The following NFIA variants were observed in gnomAD, a reference collection of about 807,000 sequenced individuals.
NFIA encodes the protein nuclear factor I A.
NFIA carries 8 observed loss-of-function variants against 62.8 expected under a neutral mutation model. That is an observed-to-expected ratio of 0.13 (90% CI 0.07 to 0.23). The LOEUF (loss-of-function observed/expected upper bound fraction) is 0.23, where lower values mean the gene tolerates loss of function less well. NFIA is among the 10% of genes least tolerant of loss of function. The probability of loss-of-function intolerance (pLI) is 1.00; values close to 1 mark genes in which losing one functional copy is unlikely to be tolerated. For synonymous variants in NFIA, 235 were observed against 238.1 expected (o/e 0.99, Z 0.12); for missense variants, 410 against 642.1 (o/e 0.64, Z 3.91).
At position 61,140,220 on chromosome 1, in the gene NFIA, G is replaced by T. The variant is rs188653164; in HGVS notation, c.559+51540G>T. On this transcript the variant is annotated intron_variant, in intron 2 of 10. Coordinates refer to ENST00000403491, the MANE Select transcript of NFIA (RefSeq NM_001134673.4). ...TCCTTTACACTTTTCTGTACCCCTG[G>T]CCTGAAGGCTCTACAGCTTGTTACA... Among the ~76,000 whole-genome samples, 737 of 152,186 alleles carry T rather than the reference G, an allele frequency of 4.8e-3. 7 individuals carry two copies. The highest frequency in any genetic ancestry group is 0.017 in the African/African-American group (689 of 41,498).
At chr1:61,427,050 C>T (rs1291650707) in intron 10 of NFIA, among the ~76,000 whole-genome samples, 1 of 152,044 alleles carries the variant, frequency 6.6e-6, no homozygotes, top group Non-Finnish European at 1.5e-5. Context: ...TGGTGTTGGT[C>T]CAGAAATAAG....
chr1:61,393,922 G>T (rs1298162683), intron 7 of NFIA, among the ~76,000 whole-genome samples: 1 of 152,196 alleles, frequency 6.6e-6, no homozygotes, highest in Non-Finnish European at 1.5e-5. Context: ...CTTGAAAACA[G>T]TTCGGCTCTT....
In NFIA at chr1:61,369,090, G is replaced by A. The variant is rs148593486; in HGVS notation, c.946+9816G>A. On this transcript the variant is annotated intron_variant, in intron 6 of 10. Transcript: ENST00000403491. ...TAGCTGGTGCATCAGCCATTTCATCGTTAAAGGAGCAGCAGTGAATACTGG... is the reference window on the plus strand; with the variant it reads ...TAGCTGGTGCATCAGCCATTTCATCATTAAAGGAGCAGCAGTGAATACTGG... Among the ~76,000 whole-genome samples the A allele has an allele frequency of 7.3e-4, 111 of 152,278 alleles. 1 individual carries two copies. The highest frequency in any genetic ancestry group is 2.3e-3 in the African/African-American group (95 of 41,560).
chr1:61,230,472 A>G lies in NFIA; in HGVS notation c.560-47048A>G, dbSNP rs1033323274. Among the ~76,000 whole-genome samples, 14 of 152,124 alleles carry G rather than the reference A, an allele frequency of 9.2e-5. No individual in the cohort carries two copies. The East Asian group carries it at 2.7e-3, about 29-fold the overall frequency. On this transcript the variant is annotated intron_variant, in intron 2 of 10. Coordinates refer to ENST00000403491, the MANE Select transcript of NFIA (RefSeq NM_001134673.4). ...ATCTAATCATCCACTAAGTTCCCCGAGTCCACCTTTTCATTAGCATGCAAA... is the reference window on the plus strand; with the variant it reads ...ATCTAATCATCCACTAAGTTCCCCGGGTCCACCTTTTCATTAGCATGCAAA...
At chr1:61,436,272 G>C (rs1667322631) in intron 10 of NFIA, among the ~76,000 whole-genome samples, 1 of 152,138 alleles carries the variant, frequency 6.6e-6, no homozygotes, top group African/African-American at 2.4e-5. Flanking sequence ...AAAAGAGCCT[G>C]GTTTTGCAGA....
At chr1:61,146,744 C>T (rs1289562813) in intron 2 of NFIA, among the ~76,000 whole-genome samples, 2 of 152,230 alleles carry the variant, frequency 1.3e-5, no homozygotes, top group African/African-American at 4.8e-5. Context: ...ACATGGTGTG[C>T]TTTCTCCAGA....
chr1:61,337,278 C>T (rs774855054), intron 4 of NFIA, among the ~76,000 whole-genome samples: 5 of 151,826 alleles, frequency 3.3e-5, no homozygotes, highest in Admixed American at 6.6e-5. Flanking sequence ...TGCAATCTTC[C>T]GTGAACTCCC....
chr1:61,256,350 C>T (rs1392140674), intron 2 of NFIA, among the ~76,000 whole-genome samples: 11 of 148,652 alleles, frequency 7.4e-5, no homozygotes, highest in East Asian at 4.0e-4. Flanking sequence ...GCAGGAGAAT[C>T]GCTTGAACCG....
At chr1:61,245,176 A>T (rs1005688095) in intron 2 of NFIA, among the ~76,000 whole-genome samples, 1 of 152,140 alleles carries the variant, frequency 6.6e-6, no homozygotes, top group African/African-American at 2.4e-5. Context: ...TAAAATTTAG[A>T]TGGGTTTTTC....
intron 2 of NFIA, among the ~76,000 whole-genome samples, chr1:61,205,807 C>A (rs965478157): frequency 6.6e-6 from 1 of 151,900 alleles, no homozygotes; most frequent in Non-Finnish European, 1.5e-5. Context: ...TGTTTCAGCA[C>A]TGACACAGGT....
chr1:61,118,529 A>G (rs1646831309), intron 2 of NFIA, among the ~76,000 whole-genome samples: 1 of 152,056 alleles, frequency 6.6e-6, no homozygotes, highest in Admixed American at 6.6e-5. Flanking sequence ...AGATCTCTAA[A>G]GGAAACAGGC....
At position 61,164,981 on chromosome 1, in the gene NFIA, G is replaced by A. The variant is rs922050909; in HGVS notation, c.559+76301G>A. ...CATTTGGGTGGAAAGGAGGAGGGTC[G>A]GAGAGGCAGCCAGTGCTTTATTTTT... On this transcript the variant is annotated intron_variant, in intron 2 of 10. Coordinates refer to ENST00000403491, the MANE Select transcript of NFIA (RefSeq NM_001134673.4). Among the ~76,000 whole-genome samples, 9 of 152,268 alleles carry A rather than the reference G, an allele frequency of 5.9e-5. No homozygotes were observed. In the South Asian group the frequency reaches 1.5e-3, roughly 25 times the overall value.
At chr1:61,078,796 G>A (rs1646062256), upstream of NFIA, among the ~76,000 whole-genome samples, 1 of 152,204 alleles carries the variant, frequency 6.6e-6, no homozygotes, top group African/African-American at 2.4e-5. Context: ...AACAACCCCC[G>A]TGGAGAGTGT....
chr1:61,329,311 G>T (rs1661155603), intron 3 of NFIA, among the ~76,000 whole-genome samples: 1 of 151,642 alleles, frequency 6.6e-6, no homozygotes, highest in African/African-American at 2.4e-5. Flanking sequence ...CTCCCAAAGT[G>T]CTGGGATTAC....
At chr1:61,249,660 C>T (rs1227404958) in intron 2 of NFIA, among the ~76,000 whole-genome samples, 2 of 152,030 alleles carry the variant, frequency 1.3e-5, no homozygotes, top group Admixed American at 6.6e-5. Context: ...CAAAAATTAG[C>T]TGGGCGCGGT....
At chr1:61,247,315 C>G (rs916072008) in intron 2 of NFIA, among the ~76,000 whole-genome samples, 2 of 152,188 alleles carry the variant, frequency 1.3e-5, no homozygotes, top group Admixed American at 6.5e-5. Flanking sequence ...CACAGACTTT[C>G]ATGTTTCATT....
intron 2 of NFIA, among the ~76,000 whole-genome samples, chr1:61,222,272 T>C (rs1009463697): frequency 1.3e-5 from 2 of 152,164 alleles, no homozygotes; most frequent in Admixed American, 6.5e-5. Flanking sequence ...ATATTAAATC[T>C]AAGTCCAAGA....
At chr1:61,200,365 A>G (rs888222582) in intron 2 of NFIA, among the ~76,000 whole-genome samples, 1 of 152,010 alleles carries the variant, frequency 6.6e-6, no homozygotes, top group Non-Finnish European at 1.5e-5. Context: ...GAAAGTACCC[A>G]TTAGAGGTTA....
At position 61,352,564 on chromosome 1, in the gene NFIA, C is replaced by T. The variant is rs780021083; in HGVS notation, c.815C>T (p.Thr272Met). ...AGGTCTTTACCCAGCACATCCTCTA[C>T]GAGGTAATTTTATTGGCAGCTCTTG... ...MRRSLPSTSS[T>M]SSTKRLKSVE... is the part of the protein sequence containing the mutation. The change falls in exon 5 of 11, where the codon ACG becomes ATG. Residue 272 changes from threonine (T) to methionine (M), a missense_variant. Transcript: ENST00000403491. The T allele has an allele frequency of 3.7e-6, 6 of 1,607,578 alleles. No individual in the cohort carries two copies. The African/African-American group carries it at 4.0e-5, about 11-fold the overall frequency.
Sources: allele counts gnomAD v4.1 joint callset (sites outside exome capture counted in the v4.1 genomes callset), GRCh38; gene constraint gnomAD v4.1.1; transcripts MANE v1.5; gene names NCBI Gene and HGNC (gene_info 2026-07-23, HGNC 2026-07-21).